OVCH1: variants seen among roughly 807,000 people sequenced by gnomAD.
The protein encoded by OVCH1 is ovochymase 1.
In OVCH1, 139 loss-of-function variants were observed where a neutral mutation model predicts 138.4. The ratio of observed to expected loss-of-function variants is 1.00; its 90% CI spans 0.87 to 1.16. The LOEUF is 1.16. OVCH1 is among the 50% of genes most tolerant of loss of function. The pLI is 0.00. For synonymous variants in OVCH1, 453 were observed against 467.8 expected (o/e 0.97, Z 0.41); for missense variants, 1,367 against 1,357.9 (o/e 1.01, Z -0.11).
At chr12:29,429,441 T>C (rs1941232270) in intron 27 of OVCH1, among the ~76,000 whole-genome samples, 5 of 152,196 alleles carry the variant, frequency 3.3e-5, no homozygotes, top group Admixed American at 2.0e-4. Flanking sequence ...TGACAACAAA[T>C]GCTATTGTTC....
At chr12:29,473,880 T>A (rs1011478336) in intron 14 of OVCH1, among the ~76,000 whole-genome samples, 1 of 152,080 alleles carries the variant, frequency 6.6e-6, no homozygotes, top group African/African-American at 2.4e-5. Context: ...CAGAAAAACA[T>A]GTAAACAGAG....
intron 16 of OVCH1, among the ~76,000 whole-genome samples, chr12:29,470,850 TC>T (rs1942482232): frequency 6.6e-6 from 1 of 152,224 alleles, no homozygotes. Context: ...GTAAAAGCGT[TC>T]CTATTTCTCT....
At chr12:29,439,512 A>AC in intron 25 of OVCH1, 1 of 1,356,996 alleles carries the variant, frequency 7.4e-7, no homozygotes, top group Non-Finnish European at 9.5e-7. Context: ...ACTTCTCTAC[A>AC]CCAACTAAAG....
chr12:29,461,519 G>T (rs767291694), intron 19 of OVCH1, among the ~76,000 whole-genome samples: 5 of 152,102 alleles, frequency 3.3e-5, no homozygotes, highest in African/African-American at 1.2e-4. Context: ...ACCTTTCTTT[G>T]TTATTCCTTT....
intron 4 of OVCH1, among the ~76,000 whole-genome samples, chr12:29,493,589 T>TAG (rs1943331259): frequency 6.6e-6 from 1 of 152,164 alleles, no homozygotes; most frequent in Non-Finnish European, 1.5e-5. Context: ...TATTTCAGAT[T>TAG]GTCTAGTTCC....
the OVCH1 span, among the ~76,000 whole-genome samples, chr12:29,406,151 G>A: frequency 1.3e-5 from 2 of 152,090 alleles, no homozygotes; most frequent in African/African-American, 4.8e-5. Flanking sequence ...TATGTTTAGA[G>A]TACAATTGGA....
At chr12:29,423,038 CTAGTGACCCT>C, downstream of OVCH1, 1 of 291,038 alleles carries the variant, frequency 3.4e-6, no homozygotes, top group African/African-American at 2.2e-5. Flanking sequence ...AGGGAGACTA[CTAGTGACCCT>C]TAAACCAATG....
chr12:29,446,258 G>C (rs1055736159), intron 22 of OVCH1, among the ~76,000 whole-genome samples: 1 of 152,014 alleles, frequency 6.6e-6, no homozygotes, highest in Admixed American at 6.6e-5. Context: ...AATACTTGTA[G>C]GGATGAAAGG....
chr12:29,461,751 A>T, intron 19 of OVCH1, 103 bp downstream of exon 19: 2 of 1,387,558 alleles, frequency 1.4e-6, no homozygotes, highest in Non-Finnish European at 2.0e-6. Flanking sequence ...ATATTGAAGC[A>T]CGTGACAAGT....
chr12:29,475,820 A>C (rs566954120), intron 13 of OVCH1, among the ~76,000 whole-genome samples: 1 of 152,208 alleles, frequency 6.6e-6, no homozygotes, highest in Non-Finnish European at 1.5e-5. Context: ...CTTAAAATTA[A>C]TTGTCAGACC....
intron 25 of OVCH1, among the ~76,000 whole-genome samples, chr12:29,441,060 G>T (rs1278539861): frequency 2.0e-5 from 3 of 152,104 alleles, no homozygotes; most frequent in Admixed American, 1.3e-4. Flanking sequence ...CTGAGTCTTA[G>T]AAAGATTTGA....
chr12:29,497,551 A>G, intron 1 of OVCH1, 72 bp downstream of exon 1: 1 of 1,560,862 alleles, frequency 6.4e-7, no homozygotes, highest in Non-Finnish European at 8.7e-7. Context: ...TGAGGCAAGG[A>G]GTAATGAAGT....
At chr12:29,436,257 AATAAT>A (rs1454510520) in intron 26 of OVCH1, among the ~76,000 whole-genome samples, 7 of 148,684 alleles carry the variant, frequency 4.7e-5, no homozygotes, top group African/African-American at 1.0e-4. Flanking sequence ...AGCTTATTTT[AATAAT>A]ATAAGTATAG....
At chr12:29,495,164 A>T in intron 4 of OVCH1, 121 bp downstream of exon 4, 1 of 1,027,924 alleles carries the variant, frequency 9.7e-7, no homozygotes, top group Non-Finnish European at 1.4e-6. Flanking sequence ...AAATTATTTT[A>T]AAAAGAAACA....
At chr12:29,407,297 G>A in the OVCH1 span, among the ~76,000 whole-genome samples, 17 of 130,526 alleles carry the variant, frequency 1.3e-4, 2 homozygotes, top group East Asian at 2.4e-3. Flanking sequence ...CTGTGCAGAA[G>A]CTCTTTAGTT....
chr12:29,454,940 T>C lies in OVCH1; in HGVS notation c.2438-7A>G. 6.3e-7 allele frequency: 1 copy of C among 1,596,392 alleles called. No individual in the cohort carries two copies. The highest frequency in any genetic ancestry group is 8.6e-7 in the Non-Finnish European group (1 of 1,165,872). On this transcript the variant is annotated splice_region_variant and splice_polypyrimidine_tract_variant and intron_variant, in intron 20 of 27. Coordinates refer to ENST00000318184, the Ensembl canonical transcript of OVCH1. ...GTCTGAAGTGAAGCAGGACCTGTAT[T>C]TGGGGAGAACATGTTAAAAATAAAG...
intron 8 of OVCH1, 105 bp downstream of exon 8, chr12:29,486,145 A>T (rs1052142813): frequency 8.7e-7 from 1 of 1,148,940 alleles, no homozygotes; most frequent in Non-Finnish European, 1.3e-6. Flanking sequence ...ACATTCAAAA[A>T]TTTAAATAAA....
intron 22 of OVCH1, among the ~76,000 whole-genome samples, chr12:29,448,220 C>T (rs1941671811): frequency 6.7e-6 from 1 of 149,640 alleles, no homozygotes; most frequent in Non-Finnish European, 1.5e-5. Context: ...TGCCACTGAT[C>T]TAACAAGAGG....
chr12:29,405,712 C>T, the OVCH1 span, among the ~76,000 whole-genome samples: 1 of 152,214 alleles, frequency 6.6e-6, no homozygotes, highest in Non-Finnish European at 1.5e-5. Flanking sequence ...AATAATATCA[C>T]TTCATAGAAG....
Sources: gnomAD v4.1 joint callset for allele counts (sites outside exome capture counted in the v4.1 genomes callset) on GRCh38, gnomAD v4.1.1 for gene constraint, MANE v1.5 for transcripts, NCBI Gene and HGNC (gene_info 2026-07-23, HGNC 2026-07-21) for gene names.